DDAH1: variants seen among roughly 807,000 people sequenced by gnomAD.
The protein encoded by DDAH1 is dimethylarginine dimethylaminohydrolase 1.
Under a neutral mutation model 28.8 loss-of-function variants are expected in DDAH1, and 19 were observed. The ratio of observed to expected loss-of-function variants is 0.66; its 90% CI spans 0.46 to 0.97. The LOEUF (loss-of-function observed/expected upper bound fraction) is 0.97, where lower values mean the gene tolerates loss of function less well. Ranked by LOEUF, DDAH1 falls within the 50% of genes least tolerant of loss-of-function variation. The probability of loss-of-function intolerance (pLI) is 0.00; values close to 1 mark genes in which losing one functional copy is unlikely to be tolerated. For missense variants in DDAH1, 326 were observed against 375.9 expected (o/e 0.87, Z 1.10); for synonymous variants, 153 against 154.4 (o/e 0.99, Z 0.07).
intron 1 of DDAH1, among the ~76,000 whole-genome samples, chr1:85,517,211 GAATTCA>G (rs1426184738): frequency 2.0e-5 from 3 of 149,948 alleles, no homozygotes; most frequent in Non-Finnish European, 4.4e-5. Flanking sequence ...AAATTTATCA[GAATTCA>G]AATTTCCATT....
chr1:85,375,560 C>A (rs1161162404), intron 1 of DDAH1, among the ~76,000 whole-genome samples: 1 of 152,126 alleles, frequency 6.6e-6, no homozygotes, highest in Non-Finnish European at 1.5e-5. Context: ...GCTTGAATAG[C>A]CATATTCCAT....
intron 1 of DDAH1, among the ~76,000 whole-genome samples, chr1:85,385,116 T>C (rs554046028): frequency 1.3e-5 from 2 of 152,344 alleles, no homozygotes; most frequent in Non-Finnish European, 2.9e-5. Context: ...TCACTGCTGA[T>C]TCTTTTCCTC....
intron 1 of DDAH1, among the ~76,000 whole-genome samples, chr1:85,519,960 C>CT (rs1397501690): frequency 1.4e-5 from 2 of 139,732 alleles, no homozygotes; most frequent in African/African-American, 2.5e-5. Flanking sequence ...ATGTTTCATT[C>CT]TTTTTTTTCC....
At chr1:85,357,847 GA>G (rs1315511449) in intron 2 of DDAH1, among the ~76,000 whole-genome samples, 1 of 152,174 alleles carries the variant, frequency 6.6e-6, no homozygotes, top group African/African-American at 2.4e-5. Flanking sequence ...TAAATGAGTT[GA>G]AAAGGTTAAA....
At chr1:85,407,834 C>T (rs539132732) in intron 1 of DDAH1, among the ~76,000 whole-genome samples, 2 of 152,232 alleles carry the variant, frequency 1.3e-5, no homozygotes, top group African/African-American at 4.8e-5. Flanking sequence ...ATTATATATA[C>T]CAGGACATCC....
intron 1 of DDAH1, among the ~76,000 whole-genome samples, chr1:85,502,668 C>T (rs1230783649): frequency 6.6e-6 from 1 of 152,196 alleles, no homozygotes; most frequent in Non-Finnish European, 1.5e-5. Context: ...ATCCCCACCG[C>T]CACCACCACT....
At chr1:85,556,731 A>G (rs966147120) in intron 1 of DDAH1, among the ~76,000 whole-genome samples, 2 of 152,228 alleles carry the variant, frequency 1.3e-5, no homozygotes, top group African/African-American at 4.8e-5. Context: ...ACAAGAATCA[A>G]TGCTTTCAAT....
chr1:85,446,853 T>G (rs1654450436), intron 1 of DDAH1, among the ~76,000 whole-genome samples: 1 of 152,128 alleles, frequency 6.6e-6, no homozygotes, highest in South Asian at 2.1e-4. Flanking sequence ...TATTTGCCCC[T>G]TTTCTTCCTG....
chr1:85,506,390 A>C (rs922096177), intron 1 of DDAH1, among the ~76,000 whole-genome samples: 1 of 152,216 alleles, frequency 6.6e-6, no homozygotes, highest in Admixed American at 6.5e-5. Flanking sequence ...TTTTAAAAAA[A>C]TAAATGACCA....
chr1:85,345,940 C>T (rs982449608), intron 4 of DDAH1, among the ~76,000 whole-genome samples: 1 of 152,110 alleles, frequency 6.6e-6, no homozygotes, highest in East Asian at 1.9e-4. Flanking sequence ...TAAACTCTTC[C>T]TAGATGGATG....
intron 1 of DDAH1, among the ~76,000 whole-genome samples, chr1:85,378,224 C>G (rs1202595644): frequency 6.6e-6 from 1 of 152,120 alleles, no homozygotes; most frequent in Non-Finnish European, 1.5e-5. Context: ...GTATCTCCTC[C>G]TCCTCATAGT....
chr1:85,359,736 G>T (rs983816124), intron 1 of DDAH1, among the ~76,000 whole-genome samples: 2 of 152,144 alleles, frequency 1.3e-5, no homozygotes, highest in Admixed American at 1.3e-4. Flanking sequence ...TGATTAACAA[G>T]TTCAACAATT....
At chr1:85,469,623 TA>T (rs1174019024), upstream of DDAH1, among the ~76,000 whole-genome samples, 1 of 152,214 alleles carries the variant, frequency 6.6e-6, no homozygotes, top group African/African-American at 2.4e-5. Context: ...AAAACACACG[TA>T]CACATTCACT....
At chr1:85,379,218 C>CAGTTCAG (rs1650844449) in intron 1 of DDAH1, among the ~76,000 whole-genome samples, 1 of 152,194 alleles carries the variant, frequency 6.6e-6, no homozygotes, top group Non-Finnish European at 1.5e-5. Flanking sequence ...AACTGAACCT[C>CAGTTCAG]TTGTTAAAAG....
chr1:85,437,793 T>G (rs544597413), intron 1 of DDAH1, among the ~76,000 whole-genome samples: 50 of 152,326 alleles, frequency 3.3e-4, no homozygotes, highest in African/African-American at 1.1e-3. Flanking sequence ...TACCACTAAA[T>G]ACAGATTAAC....
chr1:85,530,145 T>C (rs539603534), intron 1 of DDAH1, among the ~76,000 whole-genome samples: 5 of 152,332 alleles, frequency 3.3e-5, no homozygotes, highest in Admixed American at 2.0e-4. Context: ...ATTTCACTGA[T>C]AAAATGTGAG....
intron 1 of DDAH1, among the ~76,000 whole-genome samples, chr1:85,427,262 CAAGT>C (rs1323279027): frequency 1.1e-5 from 1 of 89,400 alleles, no homozygotes; most frequent in Non-Finnish European, 2.2e-5. Flanking sequence ...TGTTTTTTTC[CAAGT>C]GAGCTAAAAA....
intron 2 of DDAH1, among the ~76,000 whole-genome samples, chr1:85,474,203 T>G (rs1655716202): frequency 6.6e-6 from 1 of 152,200 alleles, no homozygotes; most frequent in Non-Finnish European, 1.5e-5. Flanking sequence ...CTTCATCCAC[T>G]CTGCTACCAC....
chr1:85,404,542 C>A, intron 1 of DDAH1: 2 of 1,343,758 alleles, frequency 1.5e-6, no homozygotes, highest in South Asian at 2.1e-5. Context: ...AACTGCAGCT[C>A]CAGACAGAAA....
Sources: allele counts gnomAD v4.1 joint callset (sites outside exome capture counted in the v4.1 genomes callset), GRCh38; gene constraint gnomAD v4.1.1; transcripts MANE v1.5; gene names NCBI Gene and HGNC (gene_info 2026-07-23, HGNC 2026-07-21).